CTF1: variants seen among roughly 807,000 people sequenced by gnomAD.
CTF1 encodes the protein cardiotrophin 1, also known as cardiotrophin-1.
A neutral mutation model predicts 10.9 loss-of-function variants in CTF1; 9 were observed. The observed-to-expected ratio is 0.83, with a 90% CI of 0.50 to 1.44. The LOEUF (loss-of-function observed/expected upper bound fraction) is 1.44. Among genes scored for constraint, CTF1 ranks in the 40% most tolerant of loss-of-function variants. CTF1 has a pLI of 0.00. For synonymous variants in CTF1, 133 were observed against 138.8 expected (o/e 0.96, Z 0.29); for missense variants, 259 against 275.3 (o/e 0.94, Z 0.42).
intron 2 of CTF1, 115 bp downstream of exon 2, chr16:30,899,648 TCCTGAGAGGGACAGCAACTTGCC>T: frequency 1.5e-6 from 1 of 685,662 alleles, no homozygotes; most frequent in Non-Finnish European, 2.5e-6. Flanking sequence ...AAATCAGGGC[TCCTGAGAGGGACAGCAACTTGCC>T]CCTGGCCACA....
chr16:30,899,905 T>A lies in CTF1; in HGVS notation c.144+372T>A, dbSNP rs1037015382. On this transcript the variant is annotated intron_variant, in intron 2 of 2. Coordinates refer to ENST00000279804, the MANE Select transcript of CTF1 (RefSeq NM_001330.5). ...TAGGTGGGGCCACAGGCACACACCA[T>A]CATGCCTGGGTAATTTTTTCATTAT... is the stretch of plus-strand genomic sequence containing the variant. Among the ~76,000 whole-genome samples the A allele has an allele frequency of 2.6e-5, 4 of 152,278 alleles. No homozygotes were observed. In the East Asian group the frequency reaches 5.8e-4, roughly 22 times the overall value.
intron 2 of CTF1, 142 bp from the exon 3 acceptor site, chr16:30,901,936 A>T: frequency 2.7e-6 from 2 of 731,916 alleles, no homozygotes; most frequent in Non-Finnish European, 3.7e-6. Flanking sequence ...GTTTTGCCTT[A>T]AACAGAGCAG....
chr16:30,897,299 A>C (rs932561905), intron 1 of CTF1, among the ~76,000 whole-genome samples: 3 of 152,134 alleles, frequency 2.0e-5, no homozygotes, highest in African/African-American at 7.2e-5. Flanking sequence ...CAGGGAGAGA[A>C]ATGGAAATGG....
intron 2 of CTF1, among the ~76,000 whole-genome samples, chr16:30,899,977 T>G (rs1443152548): frequency 1.3e-5 from 2 of 152,170 alleles, no homozygotes; most frequent in Non-Finnish European, 2.9e-5. Context: ...GGTCTTGAAC[T>G]CCTGGGCTCA....
chr16:30,898,021 A>AT (rs199817667), intron 1 of CTF1, among the ~76,000 whole-genome samples: 73,852 of 146,396 alleles, frequency 0.5, 21,032 homozygotes, highest in East Asian at 0.89. Flanking sequence ...AGTCCAGCTA[A>AT]TTTTTTTTTT....
At chr16:30,901,677 A>G (rs1038432765) in intron 2 of CTF1, among the ~76,000 whole-genome samples, 1 of 151,450 alleles carries the variant, frequency 6.6e-6, no homozygotes, top group Non-Finnish European at 1.5e-5. Flanking sequence ...GGCTCAAGCA[A>G]TCCTCCCACC....
At chr16:30,900,596 T>C (rs1242803867) in intron 2 of CTF1, among the ~76,000 whole-genome samples, 2 of 151,852 alleles carry the variant, frequency 1.3e-5, no homozygotes, top group Non-Finnish European at 2.9e-5. Context: ...AGCCCTCATC[T>C]CTTAAAAAAG....
intron 1 of CTF1, among the ~76,000 whole-genome samples, chr16:30,899,201 C>G (rs572850230): frequency 1.6e-4 from 24 of 152,286 alleles, no homozygotes; most frequent in African/African-American, 5.5e-4. Context: ...GCATGACTGT[C>G]TTTGAATTTG....
upstream of CTF1, chr16:30,896,469 C>T (rs140093901): frequency 7.0e-4 from 391 of 557,886 alleles, 2 homozygotes; most frequent in African/African-American, 6.0e-3. Context: ...CTAGGCCCCA[C>T]GGACGAGGAG....
chr16:30,896,301 T>G (rs2055347849), upstream of CTF1, among the ~76,000 whole-genome samples: 1 of 152,186 alleles, frequency 6.6e-6, no homozygotes, highest in African/African-American at 2.4e-5. Context: ...TTCCCTCTCC[T>G]GTCTCCTCAG....
chr16:30,900,276 T>C (rs2055390113), intron 2 of CTF1, among the ~76,000 whole-genome samples: 1 of 152,194 alleles, frequency 6.6e-6, no homozygotes, highest in Non-Finnish European at 1.5e-5. Flanking sequence ...ACATCTTTAG[T>C]TGGGCAGAGG....
Position 30,900,323 on chromosome 16 carries a change from C to T in CTF1, c.144+790C>T, listed in dbSNP as rs1338113796. On this transcript the variant is annotated intron_variant, in intron 2 of 2. Transcript: ENST00000279804. Reference sequence around the variant, plus strand: ...GGAAAGAAAATATTTCCCCAAATTACCCTCGTGTAGTGAAGGGAGGGTATA... The same window carrying T: ...GGAAAGAAAATATTTCCCCAAATTATCCTCGTGTAGTGAAGGGAGGGTATA... Among the ~76,000 whole-genome samples, 4 of 152,308 alleles carry T rather than the reference C, an allele frequency of 2.6e-5. No individual in the cohort carries two copies. In the East Asian group the frequency reaches 7.7e-4, roughly 29 times the overall value.
chr16:30,899,014 T>C (rs2143231766), intron 1 of CTF1, among the ~76,000 whole-genome samples: 1 of 152,312 alleles, frequency 6.6e-6, no homozygotes, highest in East Asian at 1.9e-4. Flanking sequence ...TGCTGTACTG[T>C]AACATGCTGT....
Position 30,902,541 on chromosome 16 carries a change from C to A in CTF1, c.*2C>A. Reference sequence around the variant, plus strand: ...CTGCTGCCCGGGGGCTCGGCCTGAGCGCCGCGGGGCAGCTCGCCCCGCCTC... The same window carrying A: ...CTGCTGCCCGGGGGCTCGGCCTGAGAGCCGCGGGGCAGCTCGCCCCGCCTC... On this transcript the variant is annotated 3_prime_UTR_variant, in exon 3 of 3. Transcript: ENST00000279804. The A allele has an allele frequency of 6.7e-7, 1 of 1,495,932 alleles. No homozygotes were observed. The highest frequency in any genetic ancestry group is 8.9e-7 in the Non-Finnish European group (1 of 1,126,800). The allele number at this position is 1,495,932 out of a possible 1,614,324, so 92.7% of individuals were successfully genotyped here.
intron 2 of CTF1, among the ~76,000 whole-genome samples, chr16:30,901,807 C>T (rs1359751717): frequency 1.4e-5 from 2 of 147,740 alleles, no homozygotes; most frequent in Non-Finnish European, 3.0e-5. Flanking sequence ...TGGTCTCGAA[C>T]CCCTGGGCTC....
intron 2 of CTF1, among the ~76,000 whole-genome samples, chr16:30,900,773 A>AC (rs1426866506): frequency 6.6e-6 from 1 of 151,896 alleles, no homozygotes; most frequent in Non-Finnish European, 1.5e-5. Context: ...ACAGTGTGAG[A>AC]CCCCATCTAT....
chr16:30,901,109 T>G (rs754925696), intron 2 of CTF1, among the ~76,000 whole-genome samples: 4 of 152,152 alleles, frequency 2.6e-5, no homozygotes, highest in Non-Finnish European at 4.4e-5. Context: ...GCCAGGTGGG[T>G]CTTGAACTCC....
chr16:30,900,063 G>A (rs1243583301), intron 2 of CTF1, among the ~76,000 whole-genome samples: 2 of 152,168 alleles, frequency 1.3e-5, no homozygotes, highest in African/African-American at 4.8e-5. Flanking sequence ...TGTATCTCAG[G>A]AAACCGAGGT....
At chr16:30,902,040 T>C in intron 2 of CTF1, 38 bp from the exon 3 acceptor site, 1 of 1,426,870 alleles carries the variant, frequency 7.0e-7, no homozygotes. Flanking sequence ...CTGCCCGTGC[T>C]CCGGGGCCCC....
Sources: gnomAD v4.1 joint callset for allele counts (sites outside exome capture counted in the v4.1 genomes callset) on GRCh38, gnomAD v4.1.1 for gene constraint, MANE v1.5 for transcripts, NCBI Gene and HGNC (gene_info 2026-07-23, HGNC 2026-07-21) for gene names.